EIF4H: variants seen among roughly 807,000 people sequenced by gnomAD.
The protein encoded by EIF4H is eukaryotic translation initiation factor 4H, also known as Williams-Beuren syndrome chromosome region 1.
Under a neutral mutation model 30.6 loss-of-function variants are expected in EIF4H, and 8 were observed. That is an observed-to-expected ratio of 0.26 (90% CI 0.15 to 0.47). The LOEUF is 0.47. Ranked by LOEUF, EIF4H falls within the 20% of genes least tolerant of loss-of-function variation. EIF4H has a pLI of 0.99. For synonymous variants in EIF4H, 106 were observed against 122.7 expected (o/e 0.86, Z 0.90); for missense variants, 188 against 339.5 (o/e 0.55, Z 3.51).
chr7:74,178,443 C>CT (rs1554707981), intron 1 of EIF4H, among the ~76,000 whole-genome samples: 2 of 151,720 alleles, frequency 1.3e-5, no homozygotes, highest in African/African-American at 4.8e-5. Flanking sequence ...ACTTGGGAGG[C>CT]TGAGGCAGGA....
chr7:74,192,068 C>T (rs1466219363), intron 5 of EIF4H, among the ~76,000 whole-genome samples: 3 of 152,184 alleles, frequency 2.0e-5, no homozygotes, highest in African/African-American at 4.8e-5. Flanking sequence ...CATGAGCCAC[C>T]GCGCCCGGCC....
Position 74,195,122 on chromosome 7 carries a change from A to G in EIF4H, c.608-47A>G, listed in dbSNP as rs1441906583. On this transcript the variant is annotated intron_variant, in intron 6 of 6. Transcript: ENST00000265753. ...CATCAGCATGGTCGTTTTGCTGGAT[A>G]TGGAATGGGATCCACACTCTGACAA... 33 of 1,599,126 alleles carry G rather than the reference A, an allele frequency of 2.1e-5. No homozygotes were observed. The East Asian group carries it at 7.0e-4, about 34-fold the overall frequency.
intron 1 of EIF4H, among the ~76,000 whole-genome samples, chr7:74,181,478 C>G (rs1800961240): frequency 1.3e-5 from 2 of 152,050 alleles, no homozygotes; most frequent in Non-Finnish European, 2.9e-5. Context: ...GTTGCCCAGG[C>G]TGGAATGCAG....
In EIF4H at chr7:74,196,607, T is replaced by C. The variant is rs1554710807; in HGVS notation, c.*1299T>C. ...CCCAGTCTGTCCTATGGGGAGCAGT[T>C]TGGGGGCGGCCGGCAGCAGGAGCCT... On this transcript the variant is annotated 3_prime_UTR_variant, in exon 7 of 7. Transcript: ENST00000265753. 2.0e-5 allele frequency: 3 copies of C among 151,520 alleles called. No homozygotes were observed. Among genetic ancestry groups the C allele is most frequent in the East Asian group, 1.9e-4 (1 of 5,152 alleles). 9.4% of individuals were successfully genotyped at this position (151,520 alleles called of 1,614,324 possible). A position where few individuals can be genotyped will look rare whatever the true frequency, so the allele number is the denominator to read the frequency against.
At chr7:74,174,750 C>T (rs749213140) in intron 1 of EIF4H, among the ~76,000 whole-genome samples, 5 of 152,242 alleles carry the variant, frequency 3.3e-5, no homozygotes, top group Non-Finnish European at 5.9e-5. Flanking sequence ...CGCCCGCTTC[C>T]AGCCCCATCC....
In EIF4H at chr7:74,187,625, C is replaced by T. The variant is rs1554709367; in HGVS notation, c.74C>T (p.Ala25Val). The T allele has an allele frequency of 6.2e-7, 1 of 1,606,942 alleles. No individual in the cohort carries two copies. The highest frequency in any genetic ancestry group is 8.5e-7 in the Non-Finnish European group (1 of 1,175,288). ...FGGGRGSRGS[A>V]GGHGSRSQKE... ...TCCCCTCCTAGGTCCCGCGGCAGTG[C>T]TGGTGGCCATGGTTCCCGTAGCCAG... The change falls in exon 2 of 7, where the codon GCT becomes GTT. Residue 25 changes from alanine to valine, a missense_variant. Coordinates refer to ENST00000265753, the MANE Select transcript of EIF4H (RefSeq NM_022170.2).
chr7:74,182,746 C>T (rs1428833638), intron 1 of EIF4H, among the ~76,000 whole-genome samples: 4 of 152,164 alleles, frequency 2.6e-5, no homozygotes, highest in Non-Finnish European at 5.9e-5. Context: ...CTGGATACAT[C>T]CCTACCCTCA....
chr7:74,194,123 G>A (rs530315233), intron 5 of EIF4H, among the ~76,000 whole-genome samples: 9 of 152,210 alleles, frequency 5.9e-5, no homozygotes, highest in Non-Finnish European at 1.0e-4. Context: ...AGGAGGCGCC[G>A]GTGGGGGTGA....
intron 1 of EIF4H, among the ~76,000 whole-genome samples, chr7:74,185,185 G>T (rs1265089195): frequency 6.6e-6 from 1 of 151,824 alleles, no homozygotes; most frequent in African/African-American, 2.4e-5. Flanking sequence ...TAGAGATGGG[G>T]TCTTACTGTG....
At chr7:74,195,136 A>T in intron 6 of EIF4H, 33 bp from the exon 7 acceptor site, 2 of 1,611,338 alleles carry the variant, frequency 1.2e-6, no homozygotes, top group Non-Finnish European at 1.7e-6. Context: ...AATGGGATCC[A>T]CACTCTGACA....
rs1554710475 is a variant in EIF4H, at chr7:74,194,838, C to G, written c.567C>G (p.Pro189=). 2 of 1,603,192 alleles carry G rather than the reference C, an allele frequency of 1.2e-6. No individual in the cohort carries two copies. The highest frequency in any genetic ancestry group is 1.1e-5 in the South Asian group (1 of 90,772). Residue 189 remains proline, a synonymous_variant, in exon 6 of 7, where the codon CCC becomes CCG. Coordinates refer to ENST00000265753, the MANE Select transcript of EIF4H (RefSeq NM_022170.2). Reference sequence around the variant, plus strand: ...GCAGCCGCTTCAGAGATGGCCCTCCCCTCCGTGGATCCAACATGGATTTCA... The same window carrying G: ...GCAGCCGCTTCAGAGATGGCCCTCCGCTCCGTGGATCCAACATGGATTTCA... ...PMGSRFRDGP[P]LRGSNMDFRE...
rs782038191 is a variant in EIF4H, at chr7:74,189,835, G to A, written c.326G>A (p.Arg109Gln). ...CTTTATCATTAGCTGTTGGGCGATC[G>A]GTCACTTCGTGTGGACATTGCAGAA... ...LTYDGALLGD[R>Q]SLRVDIAEGR... The change falls in exon 4 of 7, where the codon CGG becomes CAG. Residue 109 changes from arginine (R) to glutamine (Q), a missense_variant. Coordinates refer to ENST00000265753, the MANE Select transcript of EIF4H (RefSeq NM_022170.2). 1.9e-6 allele frequency: 3 copies of A among 1,614,030 alleles called. No homozygotes were observed. The highest frequency in any genetic ancestry group is 1.1e-5 in the South Asian group (1 of 91,054).
chr7:74,174,757 A>G (rs1800798559), intron 1 of EIF4H, among the ~76,000 whole-genome samples: 2 of 152,308 alleles, frequency 1.3e-5, no homozygotes, highest in South Asian at 4.1e-4. Context: ...TTCCAGCCCC[A>G]TCCCCCCTAC....
chr7:74,179,289 A>G (rs377227985), intron 1 of EIF4H, among the ~76,000 whole-genome samples: 6 of 152,216 alleles, frequency 3.9e-5, no homozygotes, highest in African/African-American at 1.4e-4. Context: ...GTTAGTTGCA[A>G]TGTGAAACCT....
chr7:74,184,549 C>T (rs1413836747), intron 1 of EIF4H, among the ~76,000 whole-genome samples: 7 of 152,102 alleles, frequency 4.6e-5, no homozygotes, highest in Non-Finnish European at 1.0e-4. Context: ...AACATCATTA[C>T]GCATCACTAG....
chr7:74,189,893 C>A lies in EIF4H; in HGVS notation c.384C>A (p.Phe128Leu). 6.2e-7 allele frequency: 1 copy of A among 1,614,196 alleles called. No homozygotes were observed. Among genetic ancestry groups the A allele is most frequent in the Non-Finnish European group, 8.5e-7 (1 of 1,180,040 alleles). The change falls in exon 4 of 7, where the codon TTC (phenylalanine) becomes TTA (leucine). Residue 128 changes from phenylalanine (F) to leucine (L), a missense_variant. Phe to Leu is a conservative substitution (Grantham distance 22, BLOSUM62 0). Around this residue, in one of 4 missense-constraint regions of EIF4H, gnomAD observed 52 missense variants for 143.9 expected, o/e 0.36. Transcript: ENST00000265753. Reference protein sequence around the residue: ...GRKQDKGGFGFRKGGPDDRGM... With the variant: ...GRKQDKGGFGLRKGGPDDRGM... ...AACAAGATAAAGGTGGCTTTGGATT[C>A]AGAAAAGGTGGACCAGATGACAGAG... is the stretch of plus-strand genomic sequence containing the variant.
intron 4 of EIF4H, 129 bp from the exon 5 acceptor site, chr7:74,190,117 CA>C: frequency 8.7e-7 from 1 of 1,143,812 alleles, no homozygotes; most frequent in Non-Finnish European, 1.2e-6. Context: ...CTGTTGGAAG[CA>C]AAAGCTCTTA....
intron 3 of EIF4H, 23 bp from the exon 4 acceptor site, chr7:74,189,799 C>T (rs1449918641): frequency 6.2e-7 from 1 of 1,613,958 alleles, no homozygotes; most frequent in Non-Finnish European, 8.5e-7. Flanking sequence ...CCAATACTTA[C>T]ACTATTTTCC....
chr7:74,192,031 G>A (rs955894292), intron 5 of EIF4H, among the ~76,000 whole-genome samples: 16 of 151,778 alleles, frequency 1.1e-4, no homozygotes, highest in African/African-American at 2.7e-4. Context: ...CACCTGCCTC[G>A]GCCTCCCAAA....
Sources: gnomAD v4.1 joint callset for allele counts (sites outside exome capture counted in the v4.1 genomes callset) on GRCh38, gnomAD v4.1.1 for gene constraint, gnomAD v4.1.1 regional missense constraint, MANE v1.5 for transcripts, NCBI Gene and HGNC (gene_info 2026-07-23, HGNC 2026-07-21) for gene names.